TEX11: variants seen among roughly 807,000 people sequenced by gnomAD.
TEX11 encodes the protein testis expressed 11.
In TEX11, 7 loss-of-function variants were observed where a neutral mutation model predicts 84.4. That is an observed-to-expected ratio of 0.08 (90% confidence interval 0.05 to 0.16). The LOEUF (loss-of-function observed/expected upper bound fraction) is 0.16. Ranked by LOEUF, TEX11 falls within the 10% of genes least tolerant of loss-of-function variation. The pLI, the probability that TEX11 is intolerant of heterozygous loss-of-function variation, is 1.00. For synonymous variants in TEX11, 264 were observed against 222.8 expected (o/e 1.18, Z -1.64); for missense variants, 551 against 660.5 (o/e 0.83, Z 1.82).
At chrX:70,588,112 G>A (rs1420303213) in intron 25 of TEX11, among the ~76,000 whole-genome samples, 2 of 112,242 alleles carry the variant, frequency 1.8e-5, no homozygotes, top group African/African-American at 6.5e-5. Context: ...GCTTACAGGT[G>A]GAAGGGACTT....
At chrX:70,867,300 G>A (rs1173065911) in intron 4 of TEX11, among the ~76,000 whole-genome samples, 1 of 110,930 alleles carries the variant, frequency 9.0e-6, no homozygotes, top group African/African-American at 3.3e-5. Flanking sequence ...AAAATACCTA[G>A]GAATGCAACT....
At chrX:70,878,514 C>T (rs1025955841) in intron 3 of TEX11, among the ~76,000 whole-genome samples, 2 of 110,037 alleles carry the variant, frequency 1.8e-5, no homozygotes, top group Non-Finnish European at 3.8e-5. Context: ...TAAAATGGTG[C>T]GGCCACTTTG....
At chrX:70,809,014 G>T (rs371650331) in intron 8 of TEX11, among the ~76,000 whole-genome samples, 9 of 111,788 alleles carry the variant, frequency 8.1e-5, no homozygotes, top group African/African-American at 2.6e-4. Flanking sequence ...CAGGATTCAA[G>T]AAACAGGGTT....
chrX:70,514,072 C>T, the TEX11 span, among the ~76,000 whole-genome samples: 1 of 109,197 alleles, frequency 9.2e-6, no homozygotes, highest in Non-Finnish European at 1.9e-5. Flanking sequence ...AAAATGGTGA[C>T]CTCATATGGT....
intron 4 of TEX11, among the ~76,000 whole-genome samples, chrX:70,865,021 G>A (rs943570012): frequency 9.0e-5 from 10 of 111,185 alleles, no homozygotes; most frequent in South Asian, 3.8e-4. Flanking sequence ...GCATCATGAT[G>A]ACAGGATGAA....
chrX:70,555,389 T>C (rs2088272763), intron 25 of TEX11, among the ~76,000 whole-genome samples: 2 of 112,173 alleles, frequency 1.8e-5, no homozygotes, highest in African/African-American at 6.5e-5. Context: ...TTGAAAAATG[T>C]TTTGAGGTAT....
At chrX:70,601,283 TC>T (rs1294687715) in intron 24 of TEX11, among the ~76,000 whole-genome samples, 1 of 79,414 alleles carries the variant, frequency 1.3e-5, no homozygotes, top group East Asian at 4.2e-4. Flanking sequence ...ATGGATAAAT[TC>T]CTTGACACAT....
At chrX:70,654,709 C>CAAAAAAAAAAAAAAA (rs56822297) in intron 16 of TEX11, among the ~76,000 whole-genome samples, 1 of 37,627 alleles carries the variant, frequency 2.7e-5, no homozygotes, top group Non-Finnish European at 4.4e-5. Context: ...GACTCTGTCT[C>CAAAAAAAAAAAAAAA]AAAAAAAAAA....
At chrX:70,907,273 A>G (rs1285521231) in intron 2 of TEX11, among the ~76,000 whole-genome samples, 1 of 112,108 alleles carries the variant, frequency 8.9e-6, no homozygotes, top group African/African-American at 3.2e-5. Flanking sequence ...TGAATTGTGA[A>G]TTCTGTCTCC....
chrX:70,647,270 G>A (rs776907981), intron 17 of TEX11, among the ~76,000 whole-genome samples: 1 of 111,555 alleles, frequency 9.0e-6, no homozygotes, highest in Non-Finnish European at 1.9e-5. Flanking sequence ...TTAGGGAGAT[G>A]GTGAAAGAAT....
rs1603174948 is a variant in TEX11, at chrX:70,636,929, G to A, written c.1484-7194C>T. ...AAGTGCCTTCCCAGACTAAAGAGCT[G>A]CTGCACAGCAGAAGAAACCATCATC... On this transcript the variant is annotated intron_variant, in intron 17 of 29. Transcript: ENST00000374333. 3.6e-5 allele frequency among the ~76,000 whole-genome samples: 4 copies of A among 112,081 alleles called. 1 individual carries two copies. In the East Asian group the frequency reaches 1.1e-3, roughly 31 times the overall value.
chrX:70,609,491 G>A (rs2089234354), intron 21 of TEX11, among the ~76,000 whole-genome samples: 3 of 112,067 alleles, frequency 2.7e-5, no homozygotes, highest in African/African-American at 3.2e-5. Context: ...AGAAACAATC[G>A]TTTAAAAGAC....
intron 9 of TEX11, among the ~76,000 whole-genome samples, chrX:70,749,638 T>C (rs1231371926): frequency 2.0e-5 from 2 of 101,594 alleles, no homozygotes; most frequent in Non-Finnish European, 4.0e-5. Flanking sequence ...TGAAGGGTTG[T>C]TGAATTTTGT....
the TEX11 span, among the ~76,000 whole-genome samples, chrX:70,518,025 G>C: frequency 2.1e-4 from 22 of 106,725 alleles, no homozygotes; most frequent in Admixed American, 1.7e-3. Context: ...CTTCTTTATT[G>C]GTCTTGGTAG....
intron 11 of TEX11, among the ~76,000 whole-genome samples, chrX:70,730,202 A>C (rs899603586): frequency 1.2e-4 from 13 of 112,045 alleles, no homozygotes; most frequent in Non-Finnish European, 2.3e-4. Context: ...CACTGCAAAA[A>C]CATGCCAAAT....
At chrX:70,907,833 A>G (rs781370224) in intron 1 of TEX11, 23 bp from the exon 2 acceptor site, 3 of 967,513 alleles carry the variant, frequency 3.1e-6, no homozygotes, top group Non-Finnish European at 4.4e-6. Flanking sequence ...AACATATTTT[A>G]ATACTCTGTT....
chrX:70,762,249 A>G lies in TEX11; in HGVS notation c.693-18030T>C, dbSNP rs138373943. ...ACTCACTGGTAATATAAGTACACAGAAAAACACAGAATATTATGACACTGT... is the reference window on the plus strand; with the variant it reads ...ACTCACTGGTAATATAAGTACACAGGAAAACACAGAATATTATGACACTGT... On this transcript the variant is annotated intron_variant, in intron 9 of 29. Coordinates refer to ENST00000374333, the MANE Select transcript of TEX11 (RefSeq NM_031276.3). Among the ~76,000 whole-genome samples the G allele has an allele frequency of 8.6e-3, 966 of 112,292 alleles. 10 individuals are homozygous for G. Among genetic ancestry groups the G allele is most frequent in the African/African-American group, 0.029 (905 of 30,954 alleles).
intron 13 of TEX11, among the ~76,000 whole-genome samples, chrX:70,693,377 A>G (rs1466512035): frequency 8.9e-6 from 1 of 112,186 alleles, no homozygotes; most frequent in East Asian, 2.8e-4. Flanking sequence ...TTAGTGGTTA[A>G]TGGTTTAAAA....
chrX:70,651,784 C>T (rs2089814479), intron 16 of TEX11, among the ~76,000 whole-genome samples: 1 of 111,628 alleles, frequency 9.0e-6, no homozygotes, highest in South Asian at 3.7e-4. Flanking sequence ...CTGCTGAAAA[C>T]AACCAAAAAT....
Sources: allele counts gnomAD v4.1 joint callset (sites outside exome capture counted in the v4.1 genomes callset), GRCh38; gene constraint gnomAD v4.1.1; transcripts MANE v1.5; gene names NCBI Gene and HGNC (gene_info 2026-07-23, HGNC 2026-07-21).